ABTB3: variants seen among roughly 807,000 people sequenced by gnomAD.
ABTB3 encodes ankyrin repeat and BTB domain containing 3.
At chr12:107,410,806 C>A in the ABTB3 span, among the ~76,000 whole-genome samples, 6 of 152,084 alleles carry the variant, frequency 3.9e-5, no homozygotes, top group Non-Finnish European at 8.8e-5. Flanking sequence ...TCATCCTAGG[C>A]TAGCTGAATT....
At chr12:107,408,418 T>C in the ABTB3 span, among the ~76,000 whole-genome samples, 1 of 152,204 alleles carries the variant, frequency 6.6e-6, no homozygotes, top group Non-Finnish European at 1.5e-5. Flanking sequence ...ACACCCAGTA[T>C]GATTGGGGAG....
the ABTB3 span, among the ~76,000 whole-genome samples, chr12:107,549,549 A>G: frequency 6.6e-6 from 1 of 152,250 alleles, no homozygotes; most frequent in Non-Finnish European, 1.5e-5. Flanking sequence ...TTAGTTGCAA[A>G]AGCTGAACCT....
the ABTB3 span, among the ~76,000 whole-genome samples, chr12:107,394,676 T>C: frequency 6.6e-6 from 1 of 152,212 alleles, no homozygotes; most frequent in African/African-American, 2.4e-5. Flanking sequence ...CTCGGCAAGA[T>C]AATATTTTCC....
the ABTB3 span, chr12:107,543,923 T>C: frequency 1.8e-5 from 29 of 1,604,894 alleles, no homozygotes; most frequent in Non-Finnish European, 2.5e-5. Context: ...GAAATCTTCC[T>C]TCTGTCCACA....
At chr12:107,637,833 TGG>T in the ABTB3 span, among the ~76,000 whole-genome samples, 16 of 143,876 alleles carry the variant, frequency 1.1e-4, no homozygotes, top group African/African-American at 4.0e-4. Context: ...TGTGTGTGTG[TGG>T]TATGGTGTCC....
chr12:107,388,853 G>A, the ABTB3 span, among the ~76,000 whole-genome samples: 4 of 152,208 alleles, frequency 2.6e-5, no homozygotes, highest in African/African-American at 7.2e-5. Flanking sequence ...AGTTGTTAAT[G>A]ATGATGATGG....
the ABTB3 span, among the ~76,000 whole-genome samples, chr12:107,652,561 C>T: frequency 6.6e-6 from 1 of 152,204 alleles, no homozygotes. Context: ...GCAGACCCAA[C>T]ACCTGGCTAC....
At chr12:107,480,581 C>G in the ABTB3 span, among the ~76,000 whole-genome samples, 1 of 152,112 alleles carries the variant, frequency 6.6e-6, no homozygotes, top group African/African-American at 2.4e-5. Flanking sequence ...TTCTGCTATA[C>G]CAAGGAAAGA....
At chr12:107,405,595 A>G in the ABTB3 span, among the ~76,000 whole-genome samples, 1 of 152,242 alleles carries the variant, frequency 6.6e-6, no homozygotes, top group African/African-American at 2.4e-5. Flanking sequence ...AGAGCTGCGA[A>G]TGGCAGACAC....
chr12:107,440,815 A>G, the ABTB3 span, among the ~76,000 whole-genome samples: 4 of 152,236 alleles, frequency 2.6e-5, no homozygotes, highest in African/African-American at 9.6e-5. Context: ...AGGCCCACCC[A>G]TGTGACAATA....
the ABTB3 span, among the ~76,000 whole-genome samples, chr12:107,579,734 C>G: frequency 1.3e-5 from 2 of 152,142 alleles, no homozygotes; most frequent in Admixed American, 1.3e-4. Flanking sequence ...GCCCCAGGGC[C>G]GGGGGAGGCA....
At chr12:107,580,757 C>T in the ABTB3 span, 2 of 1,404,336 alleles carry the variant, frequency 1.4e-6, no homozygotes, top group South Asian at 1.4e-5. Context: ...AGAAATAACA[C>T]GGGGCGCTGA....
At chr12:107,410,530 T>C in the ABTB3 span, among the ~76,000 whole-genome samples, 2 of 152,022 alleles carry the variant, frequency 1.3e-5, no homozygotes, top group Non-Finnish European at 2.9e-5. Context: ...GTGAAGGGAA[T>C]AGAGTTCCTG....
At chr12:107,464,975 C>T in the ABTB3 span, among the ~76,000 whole-genome samples, 2 of 152,028 alleles carry the variant, frequency 1.3e-5, no homozygotes, top group South Asian at 2.1e-4. Flanking sequence ...CACACACACA[C>T]ACCCCAGAGA....
the ABTB3 span, among the ~76,000 whole-genome samples, chr12:107,506,680 T>A: frequency 2.6e-5 from 4 of 152,272 alleles, no homozygotes; most frequent in Non-Finnish European, 5.9e-5. Flanking sequence ...TGTTTGTACA[T>A]TTCTTTGTGG....
chr12:107,441,794 G>T, the ABTB3 span, among the ~76,000 whole-genome samples: 2 of 103,532 alleles, frequency 1.9e-5, no homozygotes, highest in African/African-American at 9.8e-5. Flanking sequence ...AAAAAAAATA[G>T]CAGGGTGTGG....
At chr12:107,522,583 C>G in the ABTB3 span, among the ~76,000 whole-genome samples, 1 of 150,718 alleles carries the variant, frequency 6.6e-6, no homozygotes, top group African/African-American at 2.4e-5. Context: ...CTCTCTCTCT[C>G]TCTCCCTACT....
the ABTB3 span, among the ~76,000 whole-genome samples, chr12:107,519,450 G>A: frequency 6.6e-6 from 1 of 151,100 alleles, no homozygotes; most frequent in Non-Finnish European, 1.5e-5. Flanking sequence ...AGCCTCCCCA[G>A]TAGCTGGGAC....
At chr12:107,641,029 C>G in the ABTB3 span, among the ~76,000 whole-genome samples, 2 of 152,024 alleles carry the variant, frequency 1.3e-5, no homozygotes, top group African/African-American at 2.4e-5. Flanking sequence ...ATGAAGAATA[C>G]CAAGCGTCCC....
Sources: gnomAD v4.1 joint callset for allele counts (sites outside exome capture counted in the v4.1 genomes callset) on GRCh38, gnomAD v4.1.1 for gene constraint, MANE v1.5 for transcripts, NCBI Gene and HGNC (gene_info 2026-07-23, HGNC 2026-07-21) for gene names.